USO1: variants seen among roughly 807,000 people sequenced by gnomAD.
USO1 encodes general vesicular transport factor p115.
USO1 carries 57 observed loss-of-function variants against 124.5 expected under a neutral mutation model. That is an observed-to-expected ratio of 0.46 (90% CI 0.37 to 0.57). The LOEUF is 0.57. Ranked by LOEUF, USO1 falls within the 20% of genes least tolerant of loss-of-function variation. The pLI is 0.00. For synonymous variants in USO1, 369 were observed against 362.8 expected (o/e 1.02, Z -0.19); for missense variants, 900 against 1,040.6 (o/e 0.86, Z 1.86).
chr4:75,782,551 C>T, intron 8 of USO1, 129 bp from the exon 9 acceptor site: 1 of 1,257,060 alleles, frequency 8.0e-7, no homozygotes, highest in South Asian at 1.6e-5. Flanking sequence ...GGTGTCAGAG[C>T]AGACTGTCTA....
chr4:75,778,483 A>G (rs1722133019), intron 8 of USO1, among the ~76,000 whole-genome samples: 1 of 152,154 alleles, frequency 6.6e-6, no homozygotes, highest in African/African-American at 2.4e-5. Context: ...GGAAGAAAAC[A>G]TATATATAAG....
At chr4:75,741,896 CT>C (rs1451357867) in intron 1 of USO1, among the ~76,000 whole-genome samples, 3 of 152,138 alleles carry the variant, frequency 2.0e-5, no homozygotes, top group Non-Finnish European at 4.4e-5. Flanking sequence ...TGCCCGGCCA[CT>C]TTTTTGTTAA....
chr4:75,805,295 G>T lies in USO1; in HGVS notation c.2281G>T (p.Glu761Ter). Residue 761 changes from glutamate to a stop codon, truncating the protein, a stop_gained, in exon 19 of 24, where the codon GAA becomes TAA. Transcript: ENST00000514213. LOFTEE classifies it high-confidence loss of function. ...GCTGACTGAAAAGGACTCTATGATTGAAAATATGGTAAAGTAAATGTTTAA... is the reference window on the plus strand; with the variant it reads ...GCTGACTGAAAAGGACTCTATGATTTAAAATATGGTAAAGTAAATGTTTAA... Reference protein sequence around the residue: ...SQLTEKDSMIENMKSSQTSGT... With the variant: ...SQLTEKDSMI 1 of 1,597,156 alleles carries T rather than the reference G, an allele frequency of 6.3e-7. No individual in the cohort carries two copies. The highest frequency in any genetic ancestry group is 2.3e-5 in the East Asian group (1 of 44,426).
intron 1 of USO1, among the ~76,000 whole-genome samples, chr4:75,739,403 C>T (rs185335649): frequency 1.0e-3 from 159 of 152,226 alleles, no homozygotes; most frequent in African/African-American, 3.7e-3. Context: ...ATTTGATTCT[C>T]CCAACATACA....
chr4:75,748,263 A>G (rs548352436), intron 1 of USO1, among the ~76,000 whole-genome samples: 255 of 131,384 alleles, frequency 1.9e-3, no homozygotes, highest in Non-Finnish European at 2.9e-3. Flanking sequence ...ACTTTGGCTC[A>G]CTGCAACCTC....
rs1722504411 is a variant in USO1, at chr4:75,790,676, T to C, written c.1119T>C (p.Val373=). The C allele has an allele frequency of 6.2e-7, 1 of 1,612,166 alleles. No homozygotes were observed. The highest frequency in any genetic ancestry group is 8.5e-7 in the Non-Finnish European group (1 of 1,179,384). The change falls in exon 12 of 24, where the codon GTT becomes GTC. Residue 373 remains valine (V), a synonymous_variant. Transcript: ENST00000514213. The part of the protein sequence containing the change: ...PAIVVLLMSM[V]NERQPFVLRC... ...TTGTAGTACTTCTCATGTCCATGGT[T>C]AATGAAAGGCAGCCATTTGTTTTGC...
intron 4 of USO1, among the ~76,000 whole-genome samples, chr4:75,765,076 C>T (rs1052212863): frequency 6.6e-6 from 1 of 152,028 alleles, no homozygotes; most frequent in African/African-American, 2.4e-5. Context: ...TACTTTCAAA[C>T]GCATGATTTT....
In USO1 at chr4:75,800,624, G is replaced by A; in HGVS notation, c.1689G>A (p.Lys563=). 1 of 1,559,036 alleles carries A rather than the reference G, an allele frequency of 6.4e-7. No individual in the cohort carries two copies. Among genetic ancestry groups the A allele is most frequent in the Non-Finnish European group, 8.6e-7 (1 of 1,160,526 alleles). Residue 563 remains lysine, a synonymous_variant, in exon 16 of 24, where the codon AAG becomes AAA. Coordinates refer to ENST00000514213, the MANE Select transcript of USO1 (RefSeq NM_003715.4). Reference sequence around the variant, plus strand: ...AATATGCTTATCTCCGTAGAGAGAAGCTAAAACAACTGATTGAGAAGAGGA... The same window carrying A: ...AATATGCTTATCTCCGTAGAGAGAAACTAAAACAACTGATTGAGAAGAGGA... The part of the protein sequence containing the change: ...DNSLESYMKE[K]LKQLIEKRIG...
In USO1 at chr4:75,737,002, G is replaced by A. The variant is rs940700304; in HGVS notation, c.66+12117G>A. Among the ~76,000 whole-genome samples the A allele has an allele frequency of 2.6e-5, 4 of 152,190 alleles. No individual in the cohort carries two copies. In the East Asian group the frequency reaches 5.8e-4, roughly 22 times the overall value. The stretch of plus-strand genomic sequence containing the variant: ...TGTAGCTGGTCAGGTCATAGAGAAG[G>A]CAGAGGTTTGGGATGTTACTCGAGC... On this transcript the variant is annotated intron_variant, in intron 1 of 23. Coordinates refer to ENST00000514213, the MANE Select transcript of USO1 (RefSeq NM_003715.4).
chr4:75,729,878 AT>A, intron 1 of USO1: 1 of 360,078 alleles, frequency 2.8e-6, no homozygotes, highest in South Asian at 2.1e-5. Context: ...ACACAGCCAT[AT>A]TTTCTTTTAA....
At chr4:75,808,825 T>C in intron 20 of USO1, 128 bp from the exon 21 acceptor site, 1 of 1,085,510 alleles carries the variant, frequency 9.2e-7, no homozygotes, top group East Asian at 3.1e-5. Flanking sequence ...AATTCAAGAA[T>C]AGTTCTTTAG....
At position 75,804,160 on chromosome 4, in the gene USO1, G is replaced by T. The variant is rs188518848; in HGVS notation, c.2013G>T (p.Gln671His). 6.2e-7 allele frequency: 1 copy of T among 1,613,206 alleles called. No individual in the cohort carries two copies. Among genetic ancestry groups the T allele is most frequent in the East Asian group, 2.2e-5 (1 of 44,838 alleles). The change falls in exon 18 of 24, where the codon CAG becomes CAT. Residue 671 changes from glutamine (Q) to histidine (H), a missense_variant. By Grantham distance (24) the Gln-to-His change is conservative (BLOSUM62 0). This residue lies in a region of USO1 where 362 missense variants were observed against 359.0 expected (regional missense o/e 1.01). Coordinates refer to ENST00000514213, the MANE Select transcript of USO1 (RefSeq NM_003715.4). ...EQDLQLEELRQQVSTLKCQNE... is the reference protein window; with the variant it reads ...EQDLQLEELRHQVSTLKCQNE... ...ATCTCCAACTTGAGGAATTAAGGCA[G>T]CAGGTTTCTACATTAAAATGTCAAA...
intron 1 of USO1, among the ~76,000 whole-genome samples, chr4:75,730,371 A>T (rs899653063): frequency 6.6e-6 from 1 of 152,210 alleles, no homozygotes; most frequent in Non-Finnish European, 1.5e-5. Context: ...AAGGTTTTGT[A>T]AGCAGGCACT....
chr4:75,756,165 G>A (rs536807992), intron 3 of USO1, among the ~76,000 whole-genome samples: 21 of 101,784 alleles, frequency 2.1e-4, no homozygotes, highest in African/African-American at 6.2e-4. Context: ...ACAAGACTCC[G>A]TCTCAAAAAA....
chr4:75,759,508 T>C (rs1249060917), intron 4 of USO1, among the ~76,000 whole-genome samples: 1 of 150,126 alleles, frequency 6.7e-6, no homozygotes, highest in African/African-American at 2.5e-5. Context: ...GCAGGAGAAC[T>C]GCTTGAACCC....
chr4:75,809,120 A>G, intron 21 of USO1, 69 bp downstream of exon 21: 3 of 1,493,534 alleles, frequency 2.0e-6, no homozygotes, highest in Non-Finnish European at 1.8e-6. Context: ...CTTAGCCACA[A>G]TTAAAAAGAA....
At chr4:75,766,159 GAA>G (rs1204946645) in intron 4 of USO1, among the ~76,000 whole-genome samples, 2 of 152,064 alleles carry the variant, frequency 1.3e-5, no homozygotes, top group African/African-American at 4.8e-5. Context: ...ACTTTTATGA[GAA>G]AGAGAGAAAT....
At chr4:75,764,310 G>C (rs1721703625) in intron 4 of USO1, among the ~76,000 whole-genome samples, 1 of 152,148 alleles carries the variant, frequency 6.6e-6, no homozygotes, top group African/African-American at 2.4e-5. Flanking sequence ...AGAGTGTTCT[G>C]TATTAAAACG....
At chr4:75,770,961 A>G in intron 6 of USO1, 37 bp downstream of exon 6, 3 of 1,600,340 alleles carry the variant, frequency 1.9e-6, no homozygotes, top group Non-Finnish European at 1.7e-6. Context: ...TTTTGATTCA[A>G]GCATGAGTAT....
Sources: allele counts gnomAD v4.1 joint callset (sites outside exome capture counted in the v4.1 genomes callset), GRCh38; gene constraint gnomAD v4.1.1; regional missense constraint gnomAD v4.1.1; transcripts MANE v1.5; gene names NCBI Gene and HGNC (gene_info 2026-07-23, HGNC 2026-07-21).